SEC16B: variants seen among roughly 807,000 people sequenced by gnomAD.
The protein encoded by SEC16B is protein transport protein Sec16B.
A neutral mutation model predicts 141.8 loss-of-function variants in SEC16B; 115 were observed. That is an observed-to-expected ratio of 0.81 (90% CI 0.70 to 0.95). The LOEUF (loss-of-function observed/expected upper bound fraction) is 0.95. Ranked by LOEUF, SEC16B falls within the 40% of genes least tolerant of loss-of-function variation. SEC16B has a pLI of 0.00. For missense variants in SEC16B, 1,291 were observed against 1,312.3 expected (o/e 0.98, Z 0.25); for synonymous variants, 493 against 492.5 (o/e 1.00, Z -0.01).
At chr1:177,956,593 TTATC>T (rs71780979) in intron 10 of SEC16B, among the ~76,000 whole-genome samples, 19,509 of 152,170 alleles carry the variant, frequency 0.13, 1,353 homozygotes, top group Middle Eastern at 0.17. Flanking sequence ...TTGATTTTAA[TTATC>T]TATCCAAATA....
chr1:177,961,546 C>T (rs764307482), intron 6 of SEC16B, 44 bp downstream of exon 6: 1 of 1,568,032 alleles, frequency 6.4e-7, no homozygotes, highest in African/African-American at 1.4e-5. Flanking sequence ...CCCAGCCCTT[C>T]CACATCAGAT....
At chr1:177,979,794 G>A (rs1654327796) in intron 1 of SEC16B, among the ~76,000 whole-genome samples, 1 of 152,182 alleles carries the variant, frequency 6.6e-6, no homozygotes, top group Non-Finnish European at 1.5e-5. Context: ...TATGTGGATG[G>A]CAGCAGGCAA....
chr1:177,933,180 G>C (rs2101898848), intron 22 of SEC16B, 34 bp downstream of exon 22: 1 of 1,519,324 alleles, frequency 6.6e-7, no homozygotes. Flanking sequence ...AAGACCCACA[G>C]AGAGGGGCAT....
At chr1:177,946,578 G>T in intron 13 of SEC16B, 47 bp from the exon 14 acceptor site, 1 of 1,433,680 alleles carries the variant, frequency 7.0e-7, no homozygotes, top group South Asian at 1.2e-5. Context: ...ACACCCGTAT[G>T]GGGAGCCATC....
chr1:177,938,861 GA>G (rs979916790), intron 18 of SEC16B, among the ~76,000 whole-genome samples: 13 of 152,198 alleles, frequency 8.5e-5, no homozygotes, highest in East Asian at 7.7e-4. Context: ...ATTTGCCCTG[GA>G]AAAGACCTGA....
Position 177,933,496 on chromosome 1 carries a change from C to T in SEC16B, c.2712G>A (p.Lys904=), listed in dbSNP as rs375305713. 1.4e-4 allele frequency: 223 copies of T among 1,613,158 alleles called. No individual in the cohort carries two copies. Among genetic ancestry groups the T allele is most frequent in the Non-Finnish European group, 1.8e-4 (215 of 1,179,632 alleles). The change falls in exon 21 of 26, where the codon AAG becomes AAA. Residue 904 remains lysine, a synonymous_variant. Coordinates refer to ENST00000308284, the MANE Select transcript of SEC16B (RefSeq NM_033127.4). Reference sequence around the variant, plus strand: ...CAAGTCCCTCCACCTTTGTATGCTCCTTCCCATCTCCGAGCTTGCCTCTCT... The same window carrying T: ...CAAGTCCCTCCACCTTTGTATGCTCTTTCCCATCTCCGAGCTTGCCTCTCT... The part of the protein sequence containing the change: ...TAQRGKLGDG[K]EHTKSSGFGW...
At chr1:177,938,395 G>A (rs571232300) in intron 18 of SEC16B, among the ~76,000 whole-genome samples, 1 of 152,322 alleles carries the variant, frequency 6.6e-6, no homozygotes, top group African/African-American at 2.4e-5. Flanking sequence ...ACGCACATTA[G>A]TTCATTATCC....
At chr1:177,971,083 CTTTTT>C (rs200777874), upstream of SEC16B, among the ~76,000 whole-genome samples, 2 of 145,788 alleles carry the variant, frequency 1.4e-5, no homozygotes, top group African/African-American at 5.0e-5. Context: ...CTAATGGTTT[CTTTTT>C]TTTTTTTTCC....
chr1:177,979,248 A>G (rs1654303366), intron 1 of SEC16B, among the ~76,000 whole-genome samples: 1 of 152,248 alleles, frequency 6.6e-6, no homozygotes, highest in African/African-American at 2.4e-5. Flanking sequence ...AAATAGGTTC[A>G]TTCAACCTGA....
chr1:177,930,443 G>A, intron 25 of SEC16B, 102 bp downstream of exon 25: 1 of 746,514 alleles, frequency 1.3e-6, no homozygotes, highest in Non-Finnish European at 2.2e-6. Flanking sequence ...AATTGCTCAA[G>A]AACTCACATA....
chr1:177,929,917 T>C lies in SEC16B; in HGVS notation c.3124A>G (p.Thr1042Ala), dbSNP rs765783720. ...PSQVPQLPTA[T>A]SLNRPNRLAQ... ...AGGCGATTTGGCCGATTCAGGCTAG[T>C]GGCCGTGGGCAGCTGGAAAAGAAGA... Residue 1042 changes from threonine (T) to alanine (A), a missense_variant, in exon 26 of 26, where the codon ACT becomes GCT. Physicochemically the swap from Thr to Ala is moderately conservative, Grantham distance 58 (BLOSUM62 0). Transcript: ENST00000308284. 9.9e-6 allele frequency: 16 copies of C among 1,613,760 alleles called. No individual in the cohort carries two copies. The Admixed American group carries it at 2.3e-4, about 24-fold the overall frequency.
At position 177,929,925 on chromosome 1, in the gene SEC16B, G is replaced by A. The variant is rs751471514; in HGVS notation, c.3116C>T (p.Pro1039Leu). ...LYNPSQVPQL[P>L]TATSLNRPNR... ...TGGCCGATTCAGGCTAGTGGCCGTG[G>A]GCAGCTGGAAAAGAAGAACAAATAT... Residue 1039 changes from proline (P) to leucine (L), a missense_variant, in exon 26 of 26, where the codon CCC becomes CTC. By Grantham distance (98) the Pro-to-Leu change is moderately conservative. Around this residue, in one of 3 missense-constraint regions of SEC16B, gnomAD observed 605 missense variants for 614.1 expected, o/e 0.99. Transcript: ENST00000308284. 17 of 1,613,746 alleles carry A rather than the reference G, an allele frequency of 1.1e-5. No homozygotes were observed. The South Asian group carries it at 1.8e-4, about 17-fold the overall frequency.
chr1:177,954,572 C>T (rs1301290248), intron 10 of SEC16B, among the ~76,000 whole-genome samples, 196 bp from the exon 11 acceptor site: 4 of 152,304 alleles, frequency 2.6e-5, no homozygotes, highest in East Asian at 3.9e-4. Flanking sequence ...TCACCTTCAC[C>T]AGCCTTCACT....
At chr1:177,930,727 A>T in intron 24 of SEC16B, 84 bp from the exon 25 acceptor site, 1 of 930,074 alleles carries the variant, frequency 1.1e-6, no homozygotes, top group Non-Finnish European at 1.7e-6. Context: ...GCATATCAGG[A>T]TTATTTGTTT....
At chr1:177,949,757 C>G (rs996299063) in intron 12 of SEC16B, among the ~76,000 whole-genome samples, 1 of 152,054 alleles carries the variant, frequency 6.6e-6, no homozygotes, top group Non-Finnish European at 1.5e-5. Context: ...TGTGTGAAAC[C>G]CACGTCTGTG....
upstream of SEC16B, among the ~76,000 whole-genome samples, chr1:177,973,571 G>A (rs77603491): frequency 8.3e-4 from 127 of 152,176 alleles, 1 homozygote; most frequent in African/African-American, 3.0e-3. Context: ...TGCTAAAATG[G>A]GACAGTGCTC....
intron 10 of SEC16B, among the ~76,000 whole-genome samples, chr1:177,956,931 G>C (rs999855090): frequency 6.6e-6 from 1 of 152,098 alleles, no homozygotes. Flanking sequence ...TTATGATGTC[G>C]GGTTAGGTGT....
intron 13 of SEC16B, among the ~76,000 whole-genome samples, chr1:177,946,867 C>T (rs1651755795): frequency 6.6e-6 from 1 of 152,094 alleles, no homozygotes; most frequent in Non-Finnish European, 1.5e-5. Flanking sequence ...TGCACCTGAG[C>T]AAAGAAGGAG....
rs1300216693 is a variant in SEC16B, at chr1:177,946,493, G to A, written c.1702C>T (p.Leu568Phe). 1.9e-6 allele frequency: 3 copies of A among 1,585,006 alleles called. No individual in the cohort carries two copies. The highest frequency in any genetic ancestry group is 1.2e-5 in the South Asian group (1 of 86,436). The change falls in exon 14 of 26, where the codon CTC becomes TTC. Residue 568 changes from leucine to phenylalanine, a missense_variant. Physicochemically the swap from Leu to Phe is conservative, Grantham distance 22 (BLOSUM62 0). Transcript: ENST00000308284. ...TGGCCAAAGGGCACGTGAGCCATGA[G>A]ATAGCAGAAGTGAGCTGCCTCCACA... ...GLVEAAHFCY[L>F]MAHVPFGHYT...
Sources: allele counts gnomAD v4.1 joint callset (sites outside exome capture counted in the v4.1 genomes callset), GRCh38; gene constraint gnomAD v4.1.1; regional missense constraint gnomAD v4.1.1; transcripts MANE v1.5; gene names NCBI Gene and HGNC (gene_info 2026-07-23, HGNC 2026-07-21).